Variants in DNAJC6 observed in about 807,000 individuals in gnomAD.
DNAJC6 encodes the protein auxilin.
DNAJC6 carries 34 observed loss-of-function variants against 110.0 expected under a neutral mutation model. The ratio of observed to expected loss-of-function variants is 0.31; its 90% confidence interval spans 0.24 to 0.41. The LOEUF is 0.41. Ranked by LOEUF, DNAJC6 falls within the 10% of genes least tolerant of loss-of-function variation. The pLI is 1.00. For synonymous variants in DNAJC6, 406 were observed against 437.2 expected, an observed-to-expected ratio of 0.93 and a Z score of 0.89; for missense variants, 1,031 against 1,207.8, an observed-to-expected ratio of 0.85 and a Z score of 2.17.
rs370213073 is a variant in DNAJC6, at chr1:65,413,142, G to A, written c.*117G>A. ...AGTAACATGTTTTCAGTACTAAACC[G>A]TTAAGTTACTCATGAATTAATTTCT... On this transcript the variant is annotated 3_prime_UTR_variant, in exon 19 of 19. Transcript: ENST00000371069. 38 of 746,248 alleles carry A rather than the reference G, an allele frequency of 5.1e-5. No individual in the cohort carries two copies. The highest frequency in any genetic ancestry group is 4.3e-4 in the East Asian group (16 of 37,376). The allele number at this position is 746,248 out of a possible 1,614,324, so 46.2% of individuals were successfully genotyped here.
intron 1 of DNAJC6, among the ~76,000 whole-genome samples, chr1:65,324,481 C>T (rs1645224297): frequency 6.6e-6 from 1 of 152,072 alleles, no homozygotes; most frequent in East Asian, 1.9e-4. Flanking sequence ...GCCTCAGCCT[C>T]CTGAGTAGCT....
intron 13 of DNAJC6, among the ~76,000 whole-genome samples, chr1:65,396,950 T>G (rs1645984964): frequency 6.6e-6 from 1 of 152,206 alleles, no homozygotes; most frequent in Non-Finnish European, 1.5e-5. Flanking sequence ...ACTTTGAAAT[T>G]ATTGTTTTAA....
chr1:65,301,933 A>C (rs1644982928), intron 1 of DNAJC6, among the ~76,000 whole-genome samples: 1 of 151,758 alleles, frequency 6.6e-6, no homozygotes, highest in Non-Finnish European at 1.5e-5. Context: ...CAATCAGATA[A>C]GAGTCCTGCC....
chr1:65,397,290 C>T (rs970032806), intron 13 of DNAJC6, among the ~76,000 whole-genome samples: 15 of 151,056 alleles, frequency 9.9e-5, no homozygotes, highest in African/African-American at 3.0e-4. Context: ...CAGGGTACTT[C>T]CCCCGGGTTT....
chr1:65,320,513 A>T (rs1356304572), intron 1 of DNAJC6, among the ~76,000 whole-genome samples: 2 of 152,208 alleles, frequency 1.3e-5, no homozygotes, highest in Non-Finnish European at 2.9e-5. Flanking sequence ...CAAATGAGAA[A>T]AATCATACTG....
intron 3 of DNAJC6, 26 bp from the exon 4 acceptor site, chr1:65,366,022 T>C (rs547904592): frequency 6.2e-7 from 1 of 1,613,520 alleles, no homozygotes; most frequent in Admixed American, 1.7e-5. Context: ...TTAACCTGTT[T>C]TCTTTCTGTG....
chr1:65,342,604 A>T (rs181104330), intron 1 of DNAJC6, among the ~76,000 whole-genome samples: 18 of 152,332 alleles, frequency 1.2e-4, no homozygotes, highest in Non-Finnish European at 2.5e-4. Context: ...AAATGGTCTA[A>T]GACAAGTTCT....
At position 65,412,998 on chromosome 1, in the gene DNAJC6, A is replaced by G. The variant is rs1646142616; in HGVS notation, c.2886A>G (p.Glu962=). ...TCAATGATGCCTGGTCTGAATTTGA[A>G]AACCAAGGCCAAAAGCCCTTATATT... ...MELNDAWSEF[E]NQGQKPLY is the part of the protein sequence containing the mutation. The change falls in exon 19 of 19, where the codon GAA becomes GAG. Residue 962 remains glutamate, a synonymous_variant. Coordinates refer to ENST00000371069, the MANE Select transcript of DNAJC6 (RefSeq NM_001256864.2). 2 of 1,614,100 alleles carry G rather than the reference A, an allele frequency of 1.2e-6. No homozygotes were observed. Among genetic ancestry groups the G allele is most frequent in the Non-Finnish European group, 1.7e-6 (2 of 1,179,988 alleles).
intron 1 of DNAJC6, among the ~76,000 whole-genome samples, chr1:65,334,873 G>A (rs749008650): frequency 6.6e-6 from 1 of 152,088 alleles, no homozygotes; most frequent in African/African-American, 2.4e-5. Context: ...AAATTTGAAG[G>A]CCTGTTATAT....
chr1:65,318,358 C>T (rs997331328), intron 1 of DNAJC6, among the ~76,000 whole-genome samples: 4 of 151,840 alleles, frequency 2.6e-5, no homozygotes, highest in Non-Finnish European at 2.9e-5. Flanking sequence ...AAAATGCCTA[C>T]GGCCTACAAA....
At chr1:65,381,201 C>A (rs1397533663) in intron 5 of DNAJC6, among the ~76,000 whole-genome samples, 1 of 151,554 alleles carries the variant, frequency 6.6e-6, no homozygotes, top group Non-Finnish European at 1.5e-5. Context: ...ACAGGCGTGA[C>A]CCCACCAGGC....
At position 65,389,253 on chromosome 1, in the gene DNAJC6, T is replaced by C. The variant is rs1645901395; in HGVS notation, c.1194-3T>C. On this transcript the variant is annotated splice_polypyrimidine_tract_variant and splice_region_variant and intron_variant, in intron 9 of 18. Coordinates refer to ENST00000371069, the MANE Select transcript of DNAJC6 (RefSeq NM_001256864.2). ...AATTTATCTTTTTTAAATCCCTATT[T>C]AGGCCTGAGTTAGATGCATGTGATG... is the stretch of plus-strand genomic sequence containing the variant. 4.3e-6 allele frequency: 7 copies of C among 1,612,652 alleles called. No homozygotes were observed. In the African/African-American group the frequency reaches 9.4e-5, roughly 22 times the overall value.
intron 1 of DNAJC6, among the ~76,000 whole-genome samples, chr1:65,289,299 G>A (rs949936665): frequency 3.3e-5 from 5 of 151,978 alleles, no homozygotes; most frequent in Admixed American, 1.3e-4. Flanking sequence ...AGGTTCAAGC[G>A]ATTCTCCTGC....
chr1:65,281,568 T>TACCCTA (rs1194534222), intron 1 of DNAJC6, among the ~76,000 whole-genome samples: 1 of 152,164 alleles, frequency 6.6e-6, no homozygotes, highest in Non-Finnish European at 1.5e-5. Context: ...ATGCATGTTG[T>TACCCTA]ACCCTAAGTA....
chr1:65,345,561 C>T (rs1211678450), intron 1 of DNAJC6: 1 of 678,806 alleles, frequency 1.5e-6, no homozygotes, highest in Non-Finnish European at 1.8e-6. Context: ...CTTTTAATCA[C>T]AACACGCTAG....
intron 18 of DNAJC6, 92 bp downstream of exon 18, chr1:65,411,518 T>A: frequency 8.1e-7 from 1 of 1,231,144 alleles, no homozygotes; most frequent in Admixed American, 2.6e-5. Context: ...CTGGTTCATA[T>A]GGCCTATTTT....
intron 11 of DNAJC6, among the ~76,000 whole-genome samples, chr1:65,391,677 A>C (rs183084471): frequency 1.4e-5 from 2 of 140,126 alleles, no homozygotes; most frequent in Non-Finnish European, 2.9e-5. Flanking sequence ...AGCACCTAGC[A>C]TAGTGCCTGA....
intron 1 of DNAJC6, among the ~76,000 whole-genome samples, chr1:65,313,320 C>T (rs115927268): frequency 0.014 from 2,172 of 152,090 alleles, 54 homozygotes; most frequent in African/African-American, 0.051. Flanking sequence ...CTCGGCCTCC[C>T]TCCCAAAGTG....
intron 1 of DNAJC6, among the ~76,000 whole-genome samples, chr1:65,347,980 G>A (rs1645453646): frequency 6.6e-6 from 1 of 151,402 alleles, no homozygotes; most frequent in Non-Finnish European, 1.5e-5. Context: ...AATGCAGACA[G>A]CCTTATTGGA....
Sources: gnomAD v4.1 joint callset for allele counts (sites outside exome capture counted in the v4.1 genomes callset) on GRCh38, gnomAD v4.1.1 for gene constraint, MANE v1.5 for transcripts, NCBI Gene and HGNC (gene_info 2026-07-23, HGNC 2026-07-21) for gene names.